The following ZBTB5 variants were observed in gnomAD, a reference collection of about 807,000 sequenced individuals.
ZBTB5 encodes zinc finger and BTB domain containing 5, also known as zinc finger and BTB domain-containing protein 5.
A neutral mutation model predicts 37.9 loss-of-function variants in ZBTB5; 15 were observed. The observed-to-expected ratio is 0.40, with a 90% confidence interval of 0.26 to 0.61. The LOEUF is 0.61. Ranked by LOEUF, ZBTB5 falls within the 20% of genes least tolerant of loss-of-function variation. ZBTB5 has a pLI of 0.47. For missense variants in ZBTB5, 708 were observed against 856.8 expected (o/e 0.83, Z 2.17); for synonymous variants, 315 against 312.4 (o/e 1.01, Z -0.09).
chr9:37,445,377 T>G (rs1368865784), intron 1 of ZBTB5, among the ~76,000 whole-genome samples: 1 of 152,206 alleles, frequency 6.6e-6, no homozygotes, highest in Non-Finnish European at 1.5e-5. Flanking sequence ...ACTTGGTGGT[T>G]CACGCCTGTA....
chr9:37,460,366 G>A (rs571790249), intron 1 of ZBTB5, among the ~76,000 whole-genome samples: 1 of 151,916 alleles, frequency 6.6e-6, no homozygotes, highest in Non-Finnish European at 1.5e-5. Context: ...AACCCGGGAG[G>A]TGGAGGTTGC....
chr9:37,439,965 G>A lies in ZBTB5; in HGVS notation c.*553C>T. 1 of 156,878 alleles carries A rather than the reference G, an allele frequency of 6.4e-6. No homozygotes were observed. Among genetic ancestry groups the A allele is most frequent in the East Asian group, 1.9e-4 (1 of 5,272 alleles). The allele number at this position is 156,878 out of a possible 1,614,324, so 9.7% of individuals were successfully genotyped here. On this transcript the variant is annotated 3_prime_UTR_variant, in exon 2 of 2. Coordinates refer to ENST00000307750, the MANE Select transcript of ZBTB5 (RefSeq NM_014872.3). ...GTCAGCACCAAAGTGCAGTGTTTAT[G>A]ACTGCAAATCAGGTAAAAATAAAAA...
intron 1 of ZBTB5, among the ~76,000 whole-genome samples, chr9:37,458,314 A>C (rs1824229568): frequency 6.6e-6 from 1 of 152,202 alleles, no homozygotes; most frequent in Admixed American, 6.5e-5. Flanking sequence ...TGTTTTCAAT[A>C]TGTGTGATAA....
Position 37,438,444 on chromosome 9 carries a change from T to C in ZBTB5, c.*2074A>G, listed in dbSNP as rs1823769425. Reference sequence around the variant, plus strand: ...ACGTAGAAACTGACAGACTAAGAGGTAGATGAGAGATTCCAGGTTCCATCT... The same window carrying C: ...ACGTAGAAACTGACAGACTAAGAGGCAGATGAGAGATTCCAGGTTCCATCT... On this transcript the variant is annotated 3_prime_UTR_variant, in exon 2 of 2. Transcript: ENST00000307750. The C allele has an allele frequency of 6.6e-6, 1 of 152,484 alleles. No homozygotes were observed. Among genetic ancestry groups the C allele is most frequent in the Non-Finnish European group, 1.5e-5 (1 of 68,036 alleles). The allele number at this position is 152,484 out of a possible 1,614,324, so 9.4% of individuals were successfully genotyped here.
chr9:37,440,593 G>A lies in ZBTB5; in HGVS notation c.1959C>T (p.Ser653=), dbSNP rs1281322151. ...CLKCGKRFSQ[S]SHLYKHSKTT... is the part of the protein sequence containing the mutation. ...TCTTTGAGTGCTTATACAGGTGGCTGGACTGACTAAACCTCTTGCCACACT... is the reference window on the plus strand; with the variant it reads ...TCTTTGAGTGCTTATACAGGTGGCTAGACTGACTAAACCTCTTGCCACACT... Residue 653 remains serine (S), a synonymous_variant, in exon 2 of 2, where the codon TCC becomes TCT. Coordinates refer to ENST00000307750, the MANE Select transcript of ZBTB5 (RefSeq NM_014872.3). 2.5e-6 allele frequency: 4 copies of A among 1,614,240 alleles called. No homozygotes were observed. The highest frequency in any genetic ancestry group is 3.4e-6 in the Non-Finnish European group (4 of 1,180,042).
At position 37,442,069 on chromosome 9, in the gene ZBTB5, G is replaced by A; in HGVS notation, c.483C>T (p.Ser161=). The stretch of plus-strand genomic sequence containing the variant: ...GGGCTGGCTGCTCCTCGCCATTCTG[G>A]CTGGAATTGAGGGCTGAGCTCACGA... ...LSIVSSALNS[S]QNGEEQPAPM... is the part of the protein sequence containing the mutation. Residue 161 remains serine, a synonymous_variant, in exon 2 of 2, where the codon AGC becomes AGT. Coordinates refer to ENST00000307750, the MANE Select transcript of ZBTB5 (RefSeq NM_014872.3). The A allele has an allele frequency of 6.2e-7, 1 of 1,613,952 alleles. No individual in the cohort carries two copies. The highest frequency in any genetic ancestry group is 8.5e-7 in the Non-Finnish European group (1 of 1,180,048).
chr9:37,448,231 G>C (rs1368325881), intron 1 of ZBTB5, among the ~76,000 whole-genome samples: 1 of 152,094 alleles, frequency 6.6e-6, no homozygotes, highest in Non-Finnish European at 1.5e-5. Flanking sequence ...CAGGCCTTGA[G>C]ACCAACTCAA....
chr9:37,438,787 A>AC lies in ZBTB5; in HGVS notation c.*1730_*1731insG, dbSNP rs1336362548. ...ACTGCTAACAAGGAGCCACACACAC[A>AC]ACTGAATTTCACAGGACCTCATATC... On this transcript the variant is annotated 3_prime_UTR_variant, in exon 2 of 2. Coordinates refer to ENST00000307750, the MANE Select transcript of ZBTB5 (RefSeq NM_014872.3). 6.6e-6 allele frequency: 1 copy of AC among 152,244 alleles called. No homozygotes were observed. Among genetic ancestry groups the AC allele is most frequent in the Admixed American group, 6.5e-5 (1 of 15,288 alleles). 9.4% of individuals were successfully genotyped at this position (152,244 alleles called of 1,614,324 possible).
chr9:37,463,479 C>CT (rs1824330875), intron 1 of ZBTB5, among the ~76,000 whole-genome samples: 1 of 152,082 alleles, frequency 6.6e-6, no homozygotes, highest in Non-Finnish European at 1.5e-5. Flanking sequence ...ATTTCCAAAA[C>CT]GAATGTGAGC....
At chr9:37,455,672 C>T (rs1051271856) in intron 1 of ZBTB5, among the ~76,000 whole-genome samples, 1 of 152,224 alleles carries the variant, frequency 6.6e-6, no homozygotes, top group East Asian at 1.9e-4. Flanking sequence ...GCCAAACAGA[C>T]GAGCCACATC....
intron 1 of ZBTB5, among the ~76,000 whole-genome samples, 173 bp from the exon 2 acceptor site, chr9:37,442,728 C>A (rs1313819787): frequency 6.6e-6 from 1 of 152,200 alleles, no homozygotes; most frequent in Non-Finnish European, 1.5e-5. Flanking sequence ...AAGCAAATGG[C>A]AATTCAGCCA....
intron 1 of ZBTB5, among the ~76,000 whole-genome samples, chr9:37,462,415 G>A (rs946034752): frequency 3.3e-5 from 5 of 152,032 alleles, no homozygotes; most frequent in Non-Finnish European, 5.9e-5. Flanking sequence ...TCAAATCCAC[G>A]GACCAGATTG....
At chr9:37,464,713 A>T (rs1038346089) in intron 1 of ZBTB5, among the ~76,000 whole-genome samples, 1 of 152,232 alleles carries the variant, frequency 6.6e-6, no homozygotes, top group Non-Finnish European at 1.5e-5. Context: ...CAGTCCTCTC[A>T]TAACAAGTTG....
At chr9:37,445,050 T>TA (rs367824833) in intron 1 of ZBTB5, among the ~76,000 whole-genome samples, 5 of 149,242 alleles carry the variant, frequency 3.4e-5, no homozygotes, top group Non-Finnish European at 5.9e-5. Context: ...GATAGGTCAT[T>TA]AAAAAAAACA....
chr9:37,449,893 G>A (rs889646018), intron 1 of ZBTB5, among the ~76,000 whole-genome samples: 1 of 152,028 alleles, frequency 6.6e-6, no homozygotes, highest in Admixed American at 6.6e-5. Context: ...TGCCAATCAT[G>A]TTCAAAATGG....
chr9:37,441,456 C>T lies in ZBTB5; in HGVS notation c.1096G>A (p.Glu366Lys), dbSNP rs991180364. 42 of 1,613,386 alleles carry T rather than the reference C, an allele frequency of 2.6e-5. No homozygotes were observed. Among genetic ancestry groups the T allele is most frequent in the Non-Finnish European group, 3.5e-5 (41 of 1,179,946 alleles). The change falls in exon 2 of 2, where the codon GAG becomes AAG. Residue 366 changes from glutamate to lysine, a missense_variant. Physicochemically the swap from Glu to Lys is moderately conservative, Grantham distance 56 (BLOSUM62 1). Transcript: ENST00000307750. Reference sequence around the variant, plus strand: ...CTTTCAGGGCTGAGGTCTATCTTCTCGGCACTGACCACAACTCCTTCCACT... The same window carrying T: ...CTTTCAGGGCTGAGGTCTATCTTCTTGGCACTGACCACAACTCCTTCCACT... ...VEVEGVVVSAEKIDLSPESSD... is the reference protein window; with the variant it reads ...VEVEGVVVSAKKIDLSPESSD...
chr9:37,442,639 A>C, intron 1 of ZBTB5, 84 bp from the exon 2 acceptor site: 1 of 1,127,584 alleles, frequency 8.9e-7, no homozygotes, highest in Non-Finnish European at 1.2e-6. Flanking sequence ...AAAGAGTGGA[A>C]TGGATGGCCA....
chr9:37,442,623 TG>T, intron 1 of ZBTB5, 68 bp from the exon 2 acceptor site: 1 of 1,320,528 alleles, frequency 7.6e-7, no homozygotes, highest in South Asian at 1.5e-5. Flanking sequence ...ACAAAGGGTA[TG>T]ATGAAAAGAG....
At chr9:37,463,228 G>C (rs1263358213) in intron 1 of ZBTB5, among the ~76,000 whole-genome samples, 1 of 152,118 alleles carries the variant, frequency 6.6e-6, no homozygotes, top group African/African-American at 2.4e-5. Flanking sequence ...GGTCTTTTAG[G>C]AGATGAGAAG....
Sources: gnomAD v4.1 joint callset for allele counts (sites outside exome capture counted in the v4.1 genomes callset) on GRCh38, gnomAD v4.1.1 for gene constraint, MANE v1.5 for transcripts, NCBI Gene and HGNC (gene_info 2026-07-23, HGNC 2026-07-21) for gene names.